The following MIB1 variants were observed in gnomAD, a reference collection of about 807,000 sequenced individuals.
MIB1 encodes the protein E3 ubiquitin-protein ligase MIB1.
Under a neutral mutation model 124.5 loss-of-function variants are expected in MIB1, and 278 were observed. The ratio of observed to expected loss-of-function variants is 2.23; its 90% confidence interval spans 2.02 to 2.47. The LOEUF is 2.47. MIB1 is among the 30% of genes most tolerant of loss of function. The pLI, the probability that MIB1 is intolerant of heterozygous loss-of-function variation, is 0.00. For missense variants in MIB1, 957 were observed against 1,254.4 expected (o/e 0.76, Z 3.58); for synonymous variants, 446 against 429.4 (o/e 1.04, Z -0.48).
rs1438495850 is a variant in MIB1 at position 21,787,278 on chromosome 18, G to A, written c.909-4096G>A. On this transcript the variant is annotated intron_variant, in intron 6 of 20. Coordinates refer to ENST00000261537, the MANE Select transcript of MIB1 (RefSeq NM_020774.4). ...GTACCTTGGCTATGTGGGAAGTCTG[G>A]TTAGGGATTTATGGCCAGAAGACCC... 9.2e-5 allele frequency among the ~76,000 whole-genome samples: 14 copies of A among 152,268 alleles called. No individual in the cohort carries two copies. The South Asian group carries it at 2.9e-3, about 32-fold the overall frequency.
intron 1 of MIB1, among the ~76,000 whole-genome samples, chr18:21,743,463 T>C (rs1227777876): frequency 1.3e-5 from 2 of 152,244 alleles, no homozygotes; most frequent in African/African-American, 4.8e-5. Context: ...CTTGTACATA[T>C]ATCCTTGTGT....
chr18:21,751,218 AAAAG>A, intron 1 of MIB1, among the ~76,000 whole-genome samples: 1 of 152,250 alleles, frequency 6.6e-6, no homozygotes, highest in African/African-American at 2.4e-5. Flanking sequence ...AGGGGAAAAA[AAAAG>A]AAAAGAAAAA....
In MIB1 at chr18:21,705,375, C is replaced by T. The variant is rs148998315; in HGVS notation, n.167+252C>T. Among the ~76,000 whole-genome samples, 234 of 152,200 alleles carry T rather than the reference C, an allele frequency of 1.5e-3. 1 individual carries two copies. Among genetic ancestry groups the T allele is most frequent in the African/African-American group, 5.3e-3 (221 of 41,512 alleles). On this transcript the variant is annotated intron_variant and non_coding_transcript_variant, in intron 1 of 20. Transcript: ENST00000578646. ...AAATGAAAAGGTCAAGAATAGCAAC[C>T]GGGATTCAATTGTTAAAAGCCTATT...
chr18:21,860,664 C>T (rs375452039), intron 20 of MIB1, among the ~76,000 whole-genome samples: 71 of 152,148 alleles, frequency 4.7e-4, no homozygotes, highest in African/African-American at 1.6e-3. Flanking sequence ...CCTGTGTTTT[C>T]TATCTGAATT....
intron 7 of MIB1, among the ~76,000 whole-genome samples, chr18:21,795,994 G>A (rs2041574500): frequency 6.6e-6 from 1 of 152,120 alleles, no homozygotes; most frequent in South Asian, 2.1e-4. Flanking sequence ...TAAAAACCCT[G>A]TAGTCTTGAA....
At chr18:21,757,451 C>CA (rs1202189616) in intron 1 of MIB1, among the ~76,000 whole-genome samples, 8,988 of 13,234 alleles carry the variant, frequency 0.68, 3,806 homozygotes, top group Non-Finnish European at 0.79. Flanking sequence ...GACTCTGTCT[C>CA]AAAAAAAAAA....
intron 16 of MIB1, among the ~76,000 whole-genome samples, chr18:21,848,578 G>GATTGTGGTAGAAACAGGGCATCCCTTTT (rs1568226296): frequency 1.3e-5 from 2 of 152,210 alleles, no homozygotes; most frequent in Non-Finnish European, 2.9e-5. Flanking sequence ...AGTTTCTGAA[G>GATTGTGGTAGAAACAGGGCATCCCTTTT]ATTGTGGTAG....
At chr18:21,789,312 G>A (rs926403205) in intron 6 of MIB1, among the ~76,000 whole-genome samples, 1 of 151,664 alleles carries the variant, frequency 6.6e-6, no homozygotes, top group African/African-American at 2.4e-5. Context: ...GGTGGGTGTC[G>A]GTACATGACT....
chr18:21,756,345 CTTCA>C (rs2041030802), intron 1 of MIB1, among the ~76,000 whole-genome samples: 1 of 152,164 alleles, frequency 6.6e-6, no homozygotes, highest in African/African-American at 2.4e-5. Flanking sequence ...CATTTCGAGC[CTTCA>C]TTCATCACCT....
intron 12 of MIB1, among the ~76,000 whole-genome samples, chr18:21,824,809 T>TTA (rs111862835): frequency 1.3e-5 from 2 of 151,830 alleles, no homozygotes; most frequent in Non-Finnish European, 1.5e-5. Flanking sequence ...TGTTTGTCTC[T>TTA]ATTAAATAAT....
chr18:21,840,655 ATATATATATATTTT>A (rs1440983512), intron 13 of MIB1, among the ~76,000 whole-genome samples: 76 of 3,654 alleles, frequency 0.021, no homozygotes, highest in Admixed American at 0.13. Flanking sequence ...ATATATATAT[ATATATATATATTTT>A]TTTTTTTTTT....
chr18:21,792,830 T>C (rs2041522963), intron 7 of MIB1, among the ~76,000 whole-genome samples: 1 of 152,180 alleles, frequency 6.6e-6, no homozygotes, highest in Non-Finnish European at 1.5e-5. Flanking sequence ...CATTTCAAAC[T>C]GCTATATAGA....
Position 21,858,981 on chromosome 18 carries a change from C to T in MIB1, c.2880+335C>T, listed in dbSNP as rs9957819. On this transcript the variant is annotated intron_variant, in intron 20 of 20. Coordinates refer to ENST00000261537, the MANE Select transcript of MIB1 (RefSeq NM_020774.4). ...AATGTTAGGCAGAATATGTAGCAGC[C>T]GTAACTCATACACTGCTGGTGGGAA... is the stretch of plus-strand genomic sequence containing the variant. Among the ~76,000 whole-genome samples, 2,445 of 152,202 alleles carry T rather than the reference C, an allele frequency of 0.016. 62 individuals carry two copies. The highest frequency in any genetic ancestry group is 0.052 in the African/African-American group (2,146 of 41,526).
intron 18 of MIB1, among the ~76,000 whole-genome samples, chr18:21,856,240 A>AAAAAAAAC (rs5823316): frequency 0.77 from 104,102 of 135,238 alleles, 42,798 homozygotes; most frequent in East Asian, 0.91. Flanking sequence ...CCGTCTCAAA[A>AAAAAAAAC]AAAAAACAAA....
intron 20 of MIB1, 149 bp downstream of exon 20, chr18:21,858,795 A>G (rs1052042013): frequency 1.1e-4 from 55 of 504,968 alleles, no homozygotes; most frequent in Non-Finnish European, 1.8e-4. Flanking sequence ...ATCTGATTAG[A>G]GGGTTTAATC....
chr18:21,832,633 T>G (rs2041994450), intron 12 of MIB1, among the ~76,000 whole-genome samples: 1 of 152,220 alleles, frequency 6.6e-6, no homozygotes, highest in South Asian at 2.1e-4. Flanking sequence ...ACGAGTTTTC[T>G]GAGCTTACTC....
chr18:21,805,404 A>G (rs1047720347), intron 10 of MIB1, among the ~76,000 whole-genome samples: 10 of 152,174 alleles, frequency 6.6e-5, no homozygotes, highest in African/African-American at 2.4e-4. Context: ...ATATAATTTG[A>G]TGTTACTTTT....
At chr18:21,732,895 A>G (rs144724352) in intron 1 of MIB1, among the ~76,000 whole-genome samples, 16 of 152,298 alleles carry the variant, frequency 1.1e-4, no homozygotes, top group Non-Finnish European at 2.4e-4. Context: ...TCTGTACATT[A>G]TTCTCAAAAC....
chr18:21,764,064 C>T (rs2041128745), intron 1 of MIB1, among the ~76,000 whole-genome samples: 1 of 152,030 alleles, frequency 6.6e-6, no homozygotes, highest in Non-Finnish European at 1.5e-5. Context: ...AGAAATAGTT[C>T]TGGATGAATC....
Sources: gnomAD v4.1 joint callset for allele counts (sites outside exome capture counted in the v4.1 genomes callset) on GRCh38, gnomAD v4.1.1 for gene constraint, MANE v1.5 for transcripts, NCBI Gene and HGNC (gene_info 2026-07-23, HGNC 2026-07-21) for gene names.